Variants in TRIO observed in about 807,000 individuals in gnomAD.
TRIO encodes trio Rho guanine nucleotide exchange factor, also known as triple functional domain protein.
A neutral mutation model predicts 351.9 loss-of-function variants in TRIO; 58 were observed. The observed-to-expected ratio is 0.16, with a 90% CI of 0.13 to 0.21. The LOEUF is 0.21. Ranked by LOEUF, TRIO falls within the 10% of genes least tolerant of loss-of-function variation. The pLI is 1.00. For synonymous variants in TRIO, 1,758 were observed against 1,595.7 expected (o/e 1.10, Z -2.42); for missense variants, 3,201 against 4,027.8 (o/e 0.79, Z 5.56).
chr5:14,417,637 C>G (rs566703084), intron 33 of TRIO, among the ~76,000 whole-genome samples: 4 of 152,302 alleles, frequency 2.6e-5, no homozygotes, highest in Admixed American at 2.0e-4. Flanking sequence ...GCCCCATAGC[C>G]CGCAGCACAC....
intron 11 of TRIO, among the ~76,000 whole-genome samples, chr5:14,356,546 C>A (rs1298398507): frequency 6.6e-6 from 1 of 152,196 alleles, no homozygotes; most frequent in Non-Finnish European, 1.5e-5. Flanking sequence ...AAATGATACA[C>A]CACTTTGGAA....
At chr5:14,328,817 G>A (rs147306681) in intron 9 of TRIO, among the ~76,000 whole-genome samples, 167 of 152,268 alleles carry the variant, frequency 1.1e-3, no homozygotes, top group African/African-American at 3.7e-3. Flanking sequence ...CTCTGTATAG[G>A]GGGGCTGGAA....
intron 48 of TRIO, among the ~76,000 whole-genome samples, chr5:14,491,747 G>A (rs1002905073): frequency 6.6e-6 from 1 of 152,134 alleles, no homozygotes. Context: ...TGAAGAGATC[G>A]GGTCCCACAG....
In TRIO at chr5:14,270,841, T is replaced by C. The variant is rs781554454; in HGVS notation, c.174T>C (p.Asp58=). 1 of 1,613,944 alleles carries C rather than the reference T, an allele frequency of 6.2e-7. No individual in the cohort carries two copies. The highest frequency in any genetic ancestry group is 2.2e-5 in the East Asian group (1 of 44,868). ...GTATTTCAGGGTTTCGAAAAAACGA[T>C]GAAATGAAAGCTATGGATGTTTTAC... ...AFFRSGFRKN[D]EMKAMDVLPI... is the part of the protein sequence containing the mutation. The change falls in exon 2 of 57, where the codon GAT becomes GAC. Residue 58 remains aspartate, a synonymous_variant. Coordinates refer to ENST00000344204, the MANE Select transcript of TRIO (RefSeq NM_007118.4).
In TRIO at chr5:14,173,586, ACT is replaced by A. The variant is rs1491574055; in HGVS notation, c.157+29705_157+29706del. On this transcript the variant is annotated intron_variant, in intron 1 of 56. Transcript: ENST00000344204. ...CTTCATTTACAGAAGCAATAAGCCC[ACT>A]GTTTTTTGTTTTGTTTTTTGTTTTT... 4.6e-5 allele frequency among the ~76,000 whole-genome samples: 7 copies of A among 151,032 alleles called. No homozygotes were observed. The East Asian group carries it at 1.4e-3, about 29-fold the overall frequency.
intron 1 of TRIO, among the ~76,000 whole-genome samples, chr5:14,189,502 A>G (rs1790330908): frequency 6.6e-6 from 1 of 152,216 alleles, no homozygotes. Flanking sequence ...CCTTTTTATC[A>G]TAAAGTAAAT....
intron 53 of TRIO, chr5:14,499,206 G>A (rs1757107494): frequency 6.5e-6 from 1 of 153,536 alleles, no homozygotes; most frequent in African/African-American, 2.4e-5. Context: ...GGGCGGCTCA[G>A]TAGCTTGTCC....
intron 34 of TRIO, among the ~76,000 whole-genome samples, chr5:14,424,632 C>T (rs1298606935): frequency 3.9e-5 from 6 of 152,182 alleles, no homozygotes; most frequent in Non-Finnish European, 5.9e-5. Context: ...ACCACAACTC[C>T]AGTGGGCACT....
intron 34 of TRIO, among the ~76,000 whole-genome samples, chr5:14,431,021 A>G (rs1252568825): frequency 6.6e-6 from 1 of 152,112 alleles, no homozygotes; most frequent in East Asian, 1.9e-4. Context: ...CTGAATTTTG[A>G]ATAAGACAGT....
At chr5:14,381,551 A>G (rs1342442406) in intron 21 of TRIO, among the ~76,000 whole-genome samples, 1 of 151,984 alleles carries the variant, frequency 6.6e-6, no homozygotes, top group Non-Finnish European at 1.5e-5. Context: ...CTTCTCTAAG[A>G]TGTTTTCTGA....
At position 14,317,963 on chromosome 5, in the gene TRIO, C is replaced by T. The variant is rs184672789; in HGVS notation, c.1731+1220C>T. ...CCAACATGGTGAAACCGTGTCTCTA[C>T]TCAGAATACAAAAATTAGCCAGGTG... On this transcript the variant is annotated intron_variant, in intron 9 of 56. Transcript: ENST00000344204. 2.0e-5 allele frequency among the ~76,000 whole-genome samples: 3 copies of T among 152,160 alleles called. No individual in the cohort carries two copies. In the East Asian group the frequency reaches 5.8e-4, roughly 29 times the overall value.
At chr5:14,227,942 G>A (rs973365128) in intron 1 of TRIO, among the ~76,000 whole-genome samples, 35 of 152,254 alleles carry the variant, frequency 2.3e-4, no homozygotes, top group Middle Eastern at 3.4e-3. Context: ...GATATTCACA[G>A]TGAGGACAGC....
intron 1 of TRIO, among the ~76,000 whole-genome samples, chr5:14,172,804 G>A (rs1344693270): frequency 6.6e-6 from 1 of 152,218 alleles, no homozygotes; most frequent in African/African-American, 2.4e-5. Context: ...ACTGGATACA[G>A]CAAATTACAG....
chr5:14,189,539 A>G (rs1232087417), intron 1 of TRIO, among the ~76,000 whole-genome samples: 3 of 152,182 alleles, frequency 2.0e-5, no homozygotes, highest in Admixed American at 1.3e-4. Flanking sequence ...TGTGTTGGAT[A>G]ATTCTCATCT....
intron 5 of TRIO, among the ~76,000 whole-genome samples, chr5:14,292,560 A>C (rs1581546059): frequency 6.6e-6 from 1 of 152,318 alleles, no homozygotes; most frequent in South Asian, 2.1e-4. Context: ...AAACAGTGGA[A>C]TCTTTTAGTC....
At chr5:14,230,521 A>G (rs2152220939) in intron 1 of TRIO, among the ~76,000 whole-genome samples, 1 of 152,290 alleles carries the variant, frequency 6.6e-6, no homozygotes, top group Middle Eastern at 3.4e-3. Flanking sequence ...TGTGGGGATC[A>G]TACTTTCCTG....
At chr5:14,171,485 G>A (rs1789094232) in intron 1 of TRIO, among the ~76,000 whole-genome samples, 1 of 152,158 alleles carries the variant, frequency 6.6e-6, no homozygotes, top group South Asian at 2.1e-4. Context: ...ATGAGCCGGA[G>A]GTCAAAATTA....
At position 14,385,868 on chromosome 5, in the gene TRIO, C is replaced by G. The variant is rs141330835; in HGVS notation, c.3571-1570C>G. Among the ~76,000 whole-genome samples, 202 of 152,312 alleles carry G rather than the reference C, an allele frequency of 1.3e-3. 1 individual carries two copies. The highest frequency in any genetic ancestry group is 4.6e-3 in the African/African-American group (193 of 41,570). On this transcript the variant is annotated intron_variant, in intron 21 of 56. Transcript: ENST00000344204. The stretch of plus-strand genomic sequence containing the variant: ...CTGCATTATCTTTTTATCTTCACTT[C>G]TGTGTCCCCATCACTTAAAACACTC...
chr5:14,278,601 G>A lies in TRIO; in HGVS notation c.233-1721G>A, dbSNP rs566751119. On this transcript the variant is annotated intron_variant, in intron 2 of 56. Coordinates refer to ENST00000344204, the MANE Select transcript of TRIO (RefSeq NM_007118.4). Reference sequence around the variant, plus strand: ...TATGTGTTGATCTATGATAATTTCAGTCAAGGAGATTGACTCTTTTGAAAA... The same window carrying A: ...TATGTGTTGATCTATGATAATTTCAATCAAGGAGATTGACTCTTTTGAAAA... Among the ~76,000 whole-genome samples the A allele has an allele frequency of 4.6e-5, 7 of 152,202 alleles. 1 individual carries two copies. The South Asian group carries it at 1.5e-3, about 32-fold the overall frequency.
Sources: gnomAD v4.1 joint callset for allele counts (sites outside exome capture counted in the v4.1 genomes callset) on GRCh38, gnomAD v4.1.1 for gene constraint, MANE v1.5 for transcripts, NCBI Gene and HGNC (gene_info 2026-07-23, HGNC 2026-07-21) for gene names.